XPOT: variants seen among roughly 807,000 people sequenced by gnomAD.
The protein encoded by XPOT is exportin-T.
In XPOT, 34 loss-of-function variants were observed where a neutral mutation model predicts 128.2. That is an observed-to-expected ratio of 0.27 (90% CI 0.20 to 0.35). The LOEUF is 0.35. Ranked by LOEUF, XPOT falls within the 10% of genes least tolerant of loss-of-function variation. XPOT has a pLI of 1.00. For synonymous variants in XPOT, 348 were observed against 394.3 expected (o/e 0.88, Z 1.39); for missense variants, 838 against 1,125.3 (o/e 0.74, Z 3.65).
intron 1 of XPOT, among the ~76,000 whole-genome samples, chr12:64,406,148 T>C (rs2039979790): frequency 6.6e-6 from 1 of 152,128 alleles, no homozygotes; most frequent in African/African-American, 2.4e-5. Flanking sequence ...CGATCTCCGC[T>C]CACTGCAACC....
At chr12:64,420,781 A>T (rs916915018) in intron 8 of XPOT, among the ~76,000 whole-genome samples, 1 of 152,140 alleles carries the variant, frequency 6.6e-6, no homozygotes, top group African/African-American at 2.4e-5. Context: ...CAACTTGTTC[A>T]TAGTGGAATT....
rs986688692 is a variant in XPOT, at chr12:64,419,114, T to C, written c.489+20T>C. Reference sequence around the variant, plus strand: ...TCAGAGGCAAGTAACTAACCATGAATTTTTTATATTTAATGTAAGTTTTGT... The same window carrying C: ...TCAGAGGCAAGTAACTAACCATGAACTTTTTATATTTAATGTAAGTTTTGT... On this transcript the variant is annotated intron_variant, in intron 6 of 24. Transcript: ENST00000332707. 1 of 1,593,698 alleles carries C rather than the reference T, an allele frequency of 6.3e-7. No homozygotes were observed. Among genetic ancestry groups the C allele is most frequent in the African/African-American group, 1.3e-5 (1 of 74,170 alleles).
chr12:64,429,105 A>G (rs2040216242), intron 16 of XPOT, among the ~76,000 whole-genome samples: 1 of 152,250 alleles, frequency 6.6e-6, no homozygotes. Context: ...TCACAGATGC[A>G]GATGTACAGA....
At chr12:64,439,376 T>G in intron 23 of XPOT, 61 bp downstream of exon 23, 1 of 1,451,402 alleles carries the variant, frequency 6.9e-7, no homozygotes, top group Non-Finnish European at 9.6e-7. Flanking sequence ...GCATTGCCTG[T>G]GACATTGTCG....
intron 1 of XPOT, among the ~76,000 whole-genome samples, chr12:64,409,381 T>C (rs532816899): frequency 6.8e-6 from 1 of 147,290 alleles, no homozygotes; most frequent in South Asian, 2.1e-4. Flanking sequence ...GATTACTTTC[T>C]ATACCTTATT....
intron 21 of XPOT, 65 bp downstream of exon 21, chr12:64,434,974 C>A: frequency 1.5e-6 from 2 of 1,311,118 alleles, no homozygotes; most frequent in Non-Finnish European, 2.2e-6. Flanking sequence ...TTCTTTAATG[C>A]CAGGTTGATT....
At chr12:64,429,447 T>C (rs929710865) in intron 16 of XPOT, among the ~76,000 whole-genome samples, 16 of 151,110 alleles carry the variant, frequency 1.1e-4, no homozygotes, top group Non-Finnish European at 2.2e-4. Context: ...TCTAGTACTT[T>C]TTTTTTTTTT....
rs751461464 is a variant in XPOT at position 64,430,192 on chromosome 12, G to A, written c.1881G>A (p.Lys627=). The A allele has an allele frequency of 6.2e-7, 1 of 1,612,914 alleles. No homozygotes were observed. Among genetic ancestry groups the A allele is most frequent in the Non-Finnish European group, 8.5e-7 (1 of 1,179,728 alleles). The change falls in exon 17 of 25, where the codon AAG becomes AAA. Residue 627 remains lysine (K), a synonymous_variant. Coordinates refer to ENST00000332707, the MANE Select transcript of XPOT (RefSeq NM_007235.6). ...ATCTGTTGACTCCACTAATGGAGAA[G>A]TTTAAAATTCTGTTAGAAAAGTTGA... ...MRNLLTPLME[K]FKILLEKLML...
At chr12:64,429,643 G>A (rs1356735194) in intron 16 of XPOT, among the ~76,000 whole-genome samples, 1 of 152,050 alleles carries the variant, frequency 6.6e-6, no homozygotes, top group Admixed American at 6.6e-5. Flanking sequence ...GTTTCACCAC[G>A]TTGACCAGGC....
chr12:64,432,472 C>A (rs2040248161), intron 18 of XPOT, among the ~76,000 whole-genome samples: 1 of 152,178 alleles, frequency 6.6e-6, no homozygotes, highest in Non-Finnish European at 1.5e-5. Context: ...TCTCGAACTC[C>A]TGACCTCAAG....
At chr12:64,444,873 T>C (rs1337077076) in intron 23 of XPOT, among the ~76,000 whole-genome samples, 3 of 151,644 alleles carry the variant, frequency 2.0e-5, no homozygotes, top group Admixed American at 6.6e-5. Flanking sequence ...CTTGGGAGGC[T>C]GAGGTGGGAG....
In XPOT at chr12:64,419,058, A is replaced by G. The variant is rs755491742; in HGVS notation, c.453A>G (p.Ser151=). The G allele has an allele frequency of 2.0e-5, 32 of 1,614,008 alleles. No individual in the cohort carries two copies. The highest frequency in any genetic ancestry group is 2.7e-5 in the Non-Finnish European group (32 of 1,180,042). ...TGCGAATCCTCATGGCTATTGATTC[A>G]GAGTTGGTGGATCGTGATGTGGTGC... ...LYLRILMAID[S]ELVDRDVVHT... Residue 151 remains serine, a synonymous_variant, in exon 6 of 25, where the codon TCA becomes TCG. Transcript: ENST00000332707.
At position 64,433,562 on chromosome 12, in the gene XPOT, C is replaced by G; in HGVS notation, c.2411C>G (p.Thr804Arg). 1 of 1,610,836 alleles carries G rather than the reference C, an allele frequency of 6.2e-7. No homozygotes were observed. ...LRRSYFAFLQ[T>R]VTGSGMSEVI... is the part of the protein sequence containing the mutation. ...AGGAGTTACTTTGCTTTCCTGCAAA[C>G]AGTCACAGGCAGTGGGATGAGCGAA... The change falls in exon 19 of 25, where the codon ACA (threonine) becomes AGA (arginine). Residue 804 changes from threonine to arginine, a missense_variant. Physicochemically the swap from Thr to Arg is moderately conservative, Grantham distance 71. Around this residue, in one of 3 missense-constraint regions of XPOT, gnomAD observed 761 missense variants for 988.3 expected, o/e 0.77. Coordinates refer to ENST00000332707, the MANE Select transcript of XPOT (RefSeq NM_007235.6).
In XPOT at chr12:64,418,123, CATA is replaced by C; in HGVS notation, c.270+11_270+13del. On this transcript the variant is annotated intron_variant, in intron 5 of 24. Transcript: ENST00000332707. ...TCATGGCTGCAAGCTCAGGTAAAATCATAATTTCATTCAGTACCTCAAATTATT... is the reference window on the plus strand; with the variant it reads ...TCATGGCTGCAAGCTCAGGTAAAATCATTTCATTCAGTACCTCAAATTATT... The C allele has an allele frequency of 6.2e-7, 1 of 1,609,490 alleles. No individual in the cohort carries two copies. Among genetic ancestry groups the C allele is most frequent in the Non-Finnish European group, 8.5e-7 (1 of 1,177,404 alleles).
intron 6 of XPOT, 93 bp from the exon 7 acceptor site, chr12:64,419,977 C>G: frequency 8.7e-7 from 1 of 1,151,080 alleles, no homozygotes; most frequent in Admixed American, 3.1e-5. Context: ...AATGTGTTAA[C>G]AAGTCTGAAA....
At chr12:64,434,977 G>A (rs1261038949) in intron 21 of XPOT, 68 bp downstream of exon 21, 4 of 1,287,814 alleles carry the variant, frequency 3.1e-6, no homozygotes, top group Admixed American at 2.0e-5. Flanking sequence ...TTTAATGCCA[G>A]GTTGATTATA....
chr12:64,417,411 G>A (rs781535160), intron 4 of XPOT, among the ~76,000 whole-genome samples: 7 of 152,054 alleles, frequency 4.6e-5, no homozygotes, highest in Non-Finnish European at 8.8e-5. Context: ...AGCCAGGCAT[G>A]ATTGCGCGCT....
intron 1 of XPOT, among the ~76,000 whole-genome samples, chr12:64,406,426 T>G (rs924589167): frequency 1.3e-5 from 2 of 151,274 alleles, no homozygotes; most frequent in Non-Finnish European, 2.9e-5. Context: ...TGGAGTGCGG[T>G]GGCGCCATCT....
chr12:64,413,977 T>C (rs989001397), intron 2 of XPOT, among the ~76,000 whole-genome samples: 2 of 152,264 alleles, frequency 1.3e-5, no homozygotes, highest in African/African-American at 2.4e-5. Context: ...AATGTTTCTT[T>C]TACCTCATGT....
Sources: gnomAD v4.1 joint callset for allele counts (sites outside exome capture counted in the v4.1 genomes callset) on GRCh38, gnomAD v4.1.1 for gene constraint, gnomAD v4.1.1 regional missense constraint, MANE v1.5 for transcripts, NCBI Gene and HGNC (gene_info 2026-07-23, HGNC 2026-07-21) for gene names.